GRM5: variants seen among roughly 807,000 people sequenced by gnomAD.
GRM5 encodes glutamate metabotropic receptor 5.
A neutral mutation model predicts 83.1 loss-of-function variants in GRM5; 19 were observed. The observed-to-expected ratio is 0.23, with a 90% CI of 0.16 to 0.34. GRM5 has a LOEUF of 0.34. Among genes scored for constraint, GRM5 ranks in the 10% least tolerant of loss-of-function variants. The probability of loss-of-function intolerance (pLI) is 1.00; values close to 1 mark genes in which losing one functional copy is unlikely to be tolerated. For missense variants in GRM5, 1,160 were observed against 1,588.3 expected (o/e 0.73, Z 4.58); for synonymous variants, 675 against 633.6 (o/e 1.07, Z -0.98).
At chr11:88,949,776 T>C (rs1275713926) in intron 2 of GRM5, among the ~76,000 whole-genome samples, 1 of 152,204 alleles carries the variant, frequency 6.6e-6, no homozygotes, top group African/African-American at 2.4e-5. Flanking sequence ...AAAACTTTAT[T>C]CAATACCCAT....
intron 2 of GRM5, among the ~76,000 whole-genome samples, chr11:88,878,915 T>C (rs151167997): frequency 3.1e-4 from 47 of 152,238 alleles, no homozygotes; most frequent in Non-Finnish European, 5.3e-4. Context: ...AGATCAGCAA[T>C]TGCAGAAGAT....
intron 7 of GRM5, among the ~76,000 whole-genome samples, chr11:88,587,018 C>A (rs1490739424): frequency 6.6e-6 from 1 of 152,172 alleles, no homozygotes; most frequent in Non-Finnish European, 1.5e-5. Flanking sequence ...CACGTATTTA[C>A]CGAAAGCTTA....
intron 2 of GRM5, among the ~76,000 whole-genome samples, chr11:89,035,700 A>G (rs1941368459): frequency 1.3e-5 from 2 of 152,166 alleles, no homozygotes; most frequent in African/African-American, 4.8e-5. Context: ...ATCACTTTAT[A>G]GAATAAAGGA....
intron 2 of GRM5, among the ~76,000 whole-genome samples, chr11:88,964,481 C>A (rs1034356801): frequency 6.6e-6 from 1 of 151,970 alleles, no homozygotes; most frequent in African/African-American, 2.4e-5. Flanking sequence ...GCCAGGCAAA[C>A]AGCAAGTTCA....
chr11:89,031,866 A>G (rs1941270492), intron 2 of GRM5, among the ~76,000 whole-genome samples: 1 of 152,000 alleles, frequency 6.6e-6, no homozygotes. Flanking sequence ...TTGTTCTCAG[A>G]CACCAGAATA....
intron 7 of GRM5, among the ~76,000 whole-genome samples, chr11:88,568,694 A>C (rs1327630509): frequency 6.6e-6 from 1 of 152,146 alleles, no homozygotes; most frequent in Non-Finnish European, 1.5e-5. Flanking sequence ...TTTAAGACTT[A>C]TTTTAGAGCC....
chr11:88,618,634 G>T lies in GRM5; in HGVS notation c.1148-13670C>A, dbSNP rs541380190. On this transcript the variant is annotated intron_variant, in intron 4 of 9. Coordinates refer to ENST00000305447, the MANE Select transcript of GRM5 (RefSeq NM_001143831.3). ...AAAAAAAAAACGATTCAACATATAA[G>T]TATGGGCTCAGTGGTAGAAGCTTGT... 3.3e-5 allele frequency among the ~76,000 whole-genome samples: 5 copies of T among 151,466 alleles called. No individual in the cohort carries two copies. In the South Asian group the frequency reaches 1.0e-3, roughly 32 times the overall value.
intron 3 of GRM5, among the ~76,000 whole-genome samples, chr11:88,815,075 A>G (rs1943651826): frequency 6.6e-6 from 1 of 152,214 alleles, no homozygotes; most frequent in Non-Finnish European, 1.5e-5. Context: ...TCACTCAACA[A>G]GGGCTAACTG....
chr11:88,883,166 C>A (rs1944989208), intron 2 of GRM5, among the ~76,000 whole-genome samples: 1 of 152,068 alleles, frequency 6.6e-6, no homozygotes, highest in Non-Finnish European at 1.5e-5. Context: ...TGTAAAGATA[C>A]CCCAAAATGT....
At chr11:88,701,182 GC>G (rs1160841250) in intron 3 of GRM5, among the ~76,000 whole-genome samples, 6 of 152,148 alleles carry the variant, frequency 3.9e-5, no homozygotes. Flanking sequence ...AAGTCAACAA[GC>G]AAGGAAAGAA....
chr11:88,642,780 T>C (rs2135288684), intron 4 of GRM5, among the ~76,000 whole-genome samples: 1 of 152,294 alleles, frequency 6.6e-6, no homozygotes, highest in East Asian at 1.9e-4. Context: ...GATGACCTTT[T>C]CACTAGTTCC....
At chr11:88,726,236 A>C (rs1352885357) in intron 3 of GRM5, among the ~76,000 whole-genome samples, 1 of 152,218 alleles carries the variant, frequency 6.6e-6, no homozygotes, top group Non-Finnish European at 1.5e-5. Flanking sequence ...GAACTTCATG[A>C]AGCATAGATA....
chr11:88,847,110 CA>C (rs1944313975), intron 3 of GRM5, among the ~76,000 whole-genome samples: 1 of 152,116 alleles, frequency 6.6e-6, no homozygotes, highest in African/African-American at 2.4e-5. Context: ...CTTTTTCTTA[CA>C]AACTATTAAC....
chr11:88,886,950 C>T (rs1435108028), intron 2 of GRM5, among the ~76,000 whole-genome samples: 1 of 152,254 alleles, frequency 6.6e-6, no homozygotes, highest in Non-Finnish European at 1.5e-5. Flanking sequence ...TCTCTCTCTG[C>T]CCTTGGTCTG....
At chr11:88,518,325 T>G (rs182534609) in intron 9 of GRM5, among the ~76,000 whole-genome samples, 1 of 152,050 alleles carries the variant, frequency 6.6e-6, no homozygotes, top group Non-Finnish European at 1.5e-5. Flanking sequence ...TCTTTTTGGT[T>G]TTTGCTGGTC....
intron 8 of GRM5, among the ~76,000 whole-genome samples, chr11:88,554,882 G>A (rs1267326926): frequency 6.6e-6 from 1 of 152,176 alleles, no homozygotes; most frequent in East Asian, 1.9e-4. Context: ...TATAATGGCA[G>A]TGTTATTATC....
intron 8 of GRM5, among the ~76,000 whole-genome samples, chr11:88,553,991 G>T (rs1310756576): frequency 6.6e-6 from 1 of 152,140 alleles, no homozygotes; most frequent in Non-Finnish European, 1.5e-5. Flanking sequence ...CTTATGAAGG[G>T]TGTATTAGTT....
chr11:88,632,336 G>A (rs7948489), intron 4 of GRM5, among the ~76,000 whole-genome samples: 7,796 of 146,282 alleles, frequency 0.053, 398 homozygotes, highest in African/African-American at 0.14. Flanking sequence ...AGGCTTAAGC[G>A]ATCCTCCTGC....
intron 3 of GRM5, among the ~76,000 whole-genome samples, chr11:88,845,734 C>A (rs528898014): frequency 1.8e-4 from 27 of 148,232 alleles, no homozygotes; most frequent in South Asian, 8.6e-4. Context: ...CGCCCCCCCC[C>A]ACTTTTTATA....
Sources: allele counts gnomAD v4.1 joint callset (sites outside exome capture counted in the v4.1 genomes callset), GRCh38; gene constraint gnomAD v4.1.1; transcripts MANE v1.5; gene names NCBI Gene and HGNC (gene_info 2026-07-23, HGNC 2026-07-21).